Variants in ABCA12 observed in about 807,000 individuals in gnomAD.
The protein encoded by ABCA12 is glucosylceramide transporter ABCA12.
In ABCA12, 156 loss-of-function variants were observed where a neutral mutation model predicts 293.5. That is an observed-to-expected ratio of 0.53 (90% CI 0.47 to 0.61). The LOEUF is 0.61. Ranked by LOEUF, ABCA12 falls within the 20% of genes least tolerant of loss-of-function variation. ABCA12 has a pLI of 0.00. For missense variants in ABCA12, 2,797 were observed against 3,090.2 expected (o/e 0.91, Z 2.25); for synonymous variants, 1,063 against 1,108.0 (o/e 0.96, Z 0.81).
intron 2 of ABCA12, among the ~76,000 whole-genome samples, chr2:215,091,278 T>G (rs1320630926): frequency 6.6e-6 from 1 of 152,126 alleles, no homozygotes; most frequent in Non-Finnish European, 1.5e-5. Context: ...CCACAGCCTC[T>G]GCTCCCCAAC....
intron 39 of ABCA12, among the ~76,000 whole-genome samples, chr2:214,963,649 C>T (rs992587910): frequency 2.8e-5 from 4 of 145,210 alleles, no homozygotes; most frequent in Non-Finnish European, 4.5e-5. Context: ...GATGATGGCT[C>T]ATGCCTGTAA....
chr2:214,989,240 T>C (rs1444184844), intron 26 of ABCA12, 89 bp downstream of exon 26: 12 of 885,178 alleles, frequency 1.4e-5, no homozygotes. Flanking sequence ...TAAAAATTTT[T>C]TGCAAATAAA....
At chr2:215,071,980 T>G (rs1701747274) in intron 2 of ABCA12, among the ~76,000 whole-genome samples, 1 of 152,208 alleles carries the variant, frequency 6.6e-6, no homozygotes, top group Non-Finnish European at 1.5e-5. Flanking sequence ...TTCTCCCTCC[T>G]TCTCCCCAGG....
intron 9 of ABCA12, chr2:215,029,176 C>T (rs1249747782): frequency 5.8e-4 from 2 of 3,464 alleles, no homozygotes; most frequent in Non-Finnish European, 0.011. Context: ...GTATCCCATT[C>T]CCTGTTCACC....
At chr2:215,111,448 T>TA (rs1233237040) in intron 2 of ABCA12, 149 bp downstream of exon 2, 3 of 589,394 alleles carry the variant, frequency 5.1e-6, no homozygotes, top group East Asian at 2.9e-5. Flanking sequence ...AAATCTAGGG[T>TA]AAAAAACACA....
chr2:215,066,500 A>G (rs1701642492), intron 2 of ABCA12, among the ~76,000 whole-genome samples: 1 of 152,070 alleles, frequency 6.6e-6, no homozygotes, highest in Admixed American at 6.6e-5. Flanking sequence ...CATCCAAATT[A>G]CCTTTCCTGG....
chr2:214,961,366 G>C (rs1699108923), intron 39 of ABCA12, among the ~76,000 whole-genome samples: 2 of 152,002 alleles, frequency 1.3e-5, no homozygotes, highest in Non-Finnish European at 2.9e-5. Context: ...TTATGTTTTA[G>C]AATTCTTAAT....
Position 214,953,980 on chromosome 2 carries a change from A to G in ABCA12, c.6521T>C (p.Val2174Ala), listed in dbSNP as rs778557858. The change falls in exon 44 of 53, where the codon GTG (valine) becomes GCG (alanine). Residue 2174 changes from valine (V) to alanine (A), a missense_variant. Physicochemically the swap from Val to Ala is moderately conservative, Grantham distance 64. Around this residue, in one of 3 missense-constraint regions of ABCA12, gnomAD observed 2,130 missense variants for 2,427.0 expected, o/e 0.88. Transcript: ENST00000272895. ...CTCAAAGGTTTCATTTGGGTATTCCACTCCATATGCTTTTAAGAAGTCTAG... is the reference window on the plus strand; with the variant it reads ...CTCAAAGGTTTCATTTGGGTATTCCGCTCCATATGCTTTTAAGAAGTCTAG... The part of the protein sequence containing the change: ...SVLDFLKAYG[V>A]EYPNETFEMN... The G allele has an allele frequency of 6.2e-7, 1 of 1,614,062 alleles. No homozygotes were observed. The highest frequency in any genetic ancestry group is 1.3e-5 in the African/African-American group (1 of 75,042).
intron 46 of ABCA12, 47 bp from the exon 47 acceptor site, chr2:214,948,784 C>G (rs1267907520): frequency 6.2e-7 from 1 of 1,612,300 alleles, no homozygotes; most frequent in Non-Finnish European, 8.5e-7. Flanking sequence ...AAAGATTTAT[C>G]CCTCCTGGTT....
rs201087158 is a variant in ABCA12, at chr2:215,136,458, GT to G, written c.69+1681del. ...AAACATCTTCACCTGAGATTTGGGT[GT>G]TTTTTTTTCCTATAACTTTTTTTAC... On this transcript the variant is annotated intron_variant, in intron 1 of 52. Transcript: ENST00000272895. Among the ~76,000 whole-genome samples, 54 of 150,998 alleles carry G rather than the reference GT, an allele frequency of 3.6e-4. 1 individual carries two copies. Among genetic ancestry groups the G allele is most frequent in the Non-Finnish European group, 1.9e-4 (13 of 67,670 alleles).
chr2:215,130,463 A>G (rs1381903318), intron 1 of ABCA12, among the ~76,000 whole-genome samples: 2 of 151,992 alleles, frequency 1.3e-5, no homozygotes, highest in Non-Finnish European at 2.9e-5. Flanking sequence ...GGTTAAATAT[A>G]TGTCTAGGTA....
chr2:215,008,650 T>G (rs1252855685), intron 18 of ABCA12, among the ~76,000 whole-genome samples: 1 of 151,946 alleles, frequency 6.6e-6, no homozygotes, highest in Non-Finnish European at 1.5e-5. Flanking sequence ...ATATGTGGTA[T>G]AATAATCTAT....
At position 215,049,793 on chromosome 2, in the gene ABCA12, T is replaced by C; in HGVS notation, c.526A>G (p.Thr176Ala). ...GLEKLLKQNS[T>A]SEDIRRELCD... ...AGTTCTCTTCGTATATCTTCTGAAG[T>C]TGAATTTTGCTTTAACAGCTAAAAG... Residue 176 changes from threonine (T) to alanine (A), a missense_variant, in exon 6 of 53, where the codon ACT (threonine) becomes GCT (alanine). Transcript: ENST00000272895. The C allele has an allele frequency of 6.2e-7, 1 of 1,613,076 alleles. No individual in the cohort carries two copies. Among genetic ancestry groups the C allele is most frequent in the Non-Finnish European group, 8.5e-7 (1 of 1,179,592 alleles).
chr2:215,045,485 T>C (rs1701183236), intron 7 of ABCA12, among the ~76,000 whole-genome samples: 1 of 152,186 alleles, frequency 6.6e-6, no homozygotes, highest in Admixed American at 6.6e-5. Flanking sequence ...ATAGTTTAAA[T>C]GCTAGTTGCA....
chr2:215,023,507 T>C (rs1356068671), intron 11 of ABCA12: 1 of 152,208 alleles, frequency 6.6e-6, no homozygotes, highest in Non-Finnish European at 1.5e-5. Context: ...TTTTAAATTA[T>C]TTTTAGCCCC....
At chr2:215,107,994 G>T (rs1445807465) in intron 2 of ABCA12, among the ~76,000 whole-genome samples, 1 of 152,096 alleles carries the variant, frequency 6.6e-6, no homozygotes, top group Non-Finnish European at 1.5e-5. Context: ...AGGAAGTGAG[G>T]GCAAGGGCAT....
chr2:214,944,855 T>C (rs1289038663), intron 49 of ABCA12, 146 bp downstream of exon 49: 1 of 627,354 alleles, frequency 1.6e-6, no homozygotes. Flanking sequence ...TATTTGTGTG[T>C]ATATATTTTG....
chr2:215,058,709 G>C (rs1701471148), intron 3 of ABCA12, among the ~76,000 whole-genome samples: 1 of 151,942 alleles, frequency 6.6e-6, no homozygotes, highest in South Asian at 2.1e-4. Context: ...CGGTACGATG[G>C]GCATGGCTAA....
intron 30 of ABCA12, among the ~76,000 whole-genome samples, chr2:214,981,772 T>TG (rs1363369977): frequency 7.1e-6 from 1 of 141,734 alleles, no homozygotes; most frequent in Admixed American, 7.1e-5. Context: ...TTTTTTTTTT[T>TG]TTTTTTTTTT....
Sources: gnomAD v4.1 joint callset for allele counts (sites outside exome capture counted in the v4.1 genomes callset) on GRCh38, gnomAD v4.1.1 for gene constraint, gnomAD v4.1.1 regional missense constraint, MANE v1.5 for transcripts, NCBI Gene and HGNC (gene_info 2026-07-23, HGNC 2026-07-21) for gene names.